The following DACT3 variants were observed in gnomAD, a reference collection of about 807,000 sequenced individuals.
The protein encoded by DACT3 is dishevelled binding antagonist of beta catenin 3, also known as dapper homolog 3.
DACT3 carries 5 observed loss-of-function variants against 19.6 expected under a neutral mutation model. That is an observed-to-expected ratio of 0.26 (90% CI 0.13 to 0.54). The LOEUF (loss-of-function observed/expected upper bound fraction) is 0.54. DACT3 is among the 20% of genes least tolerant of loss of function. The probability of loss-of-function intolerance (pLI) is 0.95; values close to 1 mark genes in which losing one functional copy is unlikely to be tolerated. For synonymous variants in DACT3, 454 were observed against 428.1 expected, an observed-to-expected ratio of 1.06 and a Z score of -0.75; for missense variants, 908 against 927.4, an observed-to-expected ratio of 0.98 and a Z score of 0.27.
intron 1 of DACT3, among the ~76,000 whole-genome samples, chr19:46,659,806 G>C (rs575644138): frequency 2.7e-4 from 41 of 152,258 alleles, no homozygotes; most frequent in African/African-American, 9.1e-4. Context: ...GTGCGGGCTG[G>C]GGGGAGGGGA....
Position 46,649,046 on chromosome 19 carries a change from A to AG in DACT3, c.1325dup (p.Lys443Ter). The AG allele has an allele frequency of 1.6e-6, 2 of 1,281,698 alleles. No individual in the cohort carries two copies. Among genetic ancestry groups the AG allele is most frequent in the Non-Finnish European group, 9.8e-7 (1 of 1,016,900 alleles). 79.4% of individuals were successfully genotyped at this position (1,281,698 alleles called of 1,614,324 possible). A position where few individuals can be genotyped will look rare whatever the true frequency, so the allele number is the denominator to read the frequency against. On this transcript the variant is annotated frameshift_variant, in exon 4 of 4. Transcript: ENST00000391916. LOFTEE classifies it low-confidence loss of function (END_TRUNC). Reference sequence around the variant, plus strand: ...CTTCCCGCTCCGCCGTGGGGTACTTAGGGGGCCCCGAAGGGACCGCGGAGG... The same window carrying AG: ...CTTCCCGCTCCGCCGTGGGGTACTTAGGGGGGCCCCGAAGGGACCGCGGAGG...
At chr19:46,657,707 T>C (rs1489393705) in intron 1 of DACT3, among the ~76,000 whole-genome samples, 1 of 151,924 alleles carries the variant, frequency 6.6e-6, no homozygotes, top group African/African-American at 2.4e-5. Flanking sequence ...ACAGGAAAGC[T>C]ATGAATTTCT....
chr19:46,649,394 C>T lies in DACT3; in HGVS notation c.978G>A (p.Ser326=). The T allele has an allele frequency of 7.8e-7, 1 of 1,286,600 alleles. No individual in the cohort carries two copies. Among genetic ancestry groups the T allele is most frequent in the Non-Finnish European group, 9.9e-7 (1 of 1,007,718 alleles). 79.7% of individuals were successfully genotyped at this position (1,286,600 alleles called of 1,614,324 possible). ...CGGGTGCCGCCTCCGACTCCCACGA[C>T]GACGCCCAGGCGCGGCTCAAGGCGG... ...SPAALSRAWA[S]SWESEAAPEP... The change falls in exon 4 of 4, where the codon TCG becomes TCA. Residue 326 remains serine, a synonymous_variant. Transcript: ENST00000391916.
At position 46,657,806 on chromosome 19, in the gene DACT3, C is replaced by T. The variant is rs184097489; in HGVS notation, c.249+3010G>A. Among the ~76,000 whole-genome samples the T allele has an allele frequency of 3.4e-3, 524 of 152,120 alleles. 2 individuals carry two copies. The highest frequency in any genetic ancestry group is 3.2e-3 in the Non-Finnish European group (221 of 68,002). On this transcript the variant is annotated intron_variant, in intron 1 of 3. Transcript: ENST00000391916. Reference sequence around the variant, plus strand: ...TGGCTCACGCCTGTAATCCCAACAACTTTGGGAGACCGAGGCGGGAGGATC... The same window carrying T: ...TGGCTCACGCCTGTAATCCCAACAATTTTGGGAGACCGAGGCGGGAGGATC...
chr19:46,648,331 T>A lies in DACT3; in HGVS notation c.*151A>T. 4 of 1,359,246 alleles carry A rather than the reference T, an allele frequency of 2.9e-6. No individual in the cohort carries two copies. Among genetic ancestry groups the A allele is most frequent in the Non-Finnish European group, 4.0e-6 (4 of 997,310 alleles). 84.2% of individuals were successfully genotyped at this position (1,359,246 alleles called of 1,614,324 possible). On this transcript the variant is annotated 3_prime_UTR_variant, in exon 4 of 4. Coordinates refer to ENST00000391916, the MANE Select transcript of DACT3 (RefSeq NM_145056.3). The surrounding 1 kb of genome is among the most constrained non-coding windows in gnomAD (Gnocchi z 5.1). ...TCTCGGTGGTGGTGGGGGAGCCTTT[T>A]CAACCAAGACTGTTAGGAGTGGGGA...
chr19:46,649,131 C>A lies in DACT3; in HGVS notation c.1241G>T (p.Gly414Val). Residue 414 changes from glycine (G) to valine (V), a missense_variant, in exon 4 of 4, where the codon GGC becomes GTC. Gly to Val is a moderately radical substitution (Grantham distance 109, BLOSUM62 -3). Around this residue, in one of 2 missense-constraint regions of DACT3, gnomAD observed 656 missense variants for 601.8 expected, o/e 1.09. Transcript: ENST00000391916. ...GRMAEASGRRGSPRARKASRS... is the reference protein window; with the variant it reads ...GRMAEASGRRVSPRARKASRS... The stretch of plus-strand genomic sequence containing the variant: ...CGAGGCCTTGCGGGCCCTGGGCGAG[C>A]CGCGGCGGCCCGAAGCCTCGGCCAT... The A allele has an allele frequency of 1.6e-6, 2 of 1,267,770 alleles. No homozygotes were observed. The highest frequency in any genetic ancestry group is 2.0e-6 in the Non-Finnish European group (2 of 1,008,732). The allele number at this position is 1,267,770 out of a possible 1,614,324, so 78.5% of individuals were successfully genotyped here. A position where few individuals can be genotyped will look rare whatever the true frequency, so the allele number is the denominator to read the frequency against.
chr19:46,649,556 G>C lies in DACT3; in HGVS notation c.816C>G (p.Pro272=). Residue 272 remains proline, a synonymous_variant, in exon 4 of 4, where the codon CCC becomes CCG. Coordinates refer to ENST00000391916, the MANE Select transcript of DACT3 (RefSeq NM_145056.3). ...GCCGCGGGCCGCCGTCCGCGCCCCCGGGACTGGTCCGGGGCTGGCCCGCCC... is the reference window on the plus strand; with the variant it reads ...GCCGCGGGCCGCCGTCCGCGCCCCCCGGACTGGTCCGGGGCTGGCCCGCCC... The part of the protein sequence containing the change: ...RRGAGQPRTS[P]GGADGGPRRQ... 9.5e-7 allele frequency: 1 copy of C among 1,051,908 alleles called. No individual in the cohort carries two copies. The highest frequency in any genetic ancestry group is 1.1e-6 in the Non-Finnish European group (1 of 874,930). 65.2% of individuals were successfully genotyped at this position (1,051,908 alleles called of 1,614,324 possible). A position where few individuals can be genotyped will look rare whatever the true frequency, so the allele number is the denominator to read the frequency against.
At chr19:46,653,948 T>C (rs1000602364) in intron 1 of DACT3, 1 of 981,336 alleles carries the variant, frequency 1.0e-6, no homozygotes, top group African/African-American at 1.7e-5. Context: ...TCCTTCCTGC[T>C]GCAGATTGCC....
Position 46,648,347 on chromosome 19 carries a change from G to C in DACT3, c.*135C>G, listed in dbSNP as rs2052938499. 6.8e-7 allele frequency: 1 copy of C among 1,460,738 alleles called. No individual in the cohort carries two copies. Among genetic ancestry groups the C allele is most frequent in the Non-Finnish European group, 9.3e-7 (1 of 1,069,990 alleles). The allele number at this position is 1,460,738 out of a possible 1,614,324, so 90.5% of individuals were successfully genotyped here. Reference sequence around the variant, plus strand: ...GGAGCCTTTTCAACCAAGACTGTTAGGAGTGGGGAGAGTGAGGGGGGTCTT... The same window carrying C: ...GGAGCCTTTTCAACCAAGACTGTTACGAGTGGGGAGAGTGAGGGGGGTCTT... On this transcript the variant is annotated 3_prime_UTR_variant, in exon 4 of 4. Coordinates refer to ENST00000391916, the MANE Select transcript of DACT3 (RefSeq NM_145056.3). The surrounding 1 kb of genome is among the most constrained non-coding windows in gnomAD (Gnocchi z 5.1).
At chr19:46,653,109 GC>G (rs772937555) in intron 1 of DACT3, 34 bp from the exon 2 acceptor site, 65 of 1,548,726 alleles carry the variant, frequency 4.2e-5, no homozygotes, top group African/African-American at 5.5e-5. Context: ...TGGTCAGAAG[GC>G]CCCCAGTCCT....
chr19:46,650,222 C>T (rs2052970443), intron 3 of DACT3: 1 of 153,762 alleles, frequency 6.5e-6, no homozygotes, highest in Admixed American at 6.6e-5. Context: ...AGCTCCGCCT[C>T]CCGGGTTCAT....
At chr19:46,655,848 G>T (rs1445410807) in intron 1 of DACT3, among the ~76,000 whole-genome samples, 1 of 151,318 alleles carries the variant, frequency 6.6e-6, no homozygotes, top group Non-Finnish European at 1.5e-5. Flanking sequence ...AAGGCGGGAG[G>T]ATCGCTGGAG....
rs1278706453 is a variant in DACT3, at chr19:46,660,342, G to C, written c.249+474C>G. The stretch of plus-strand genomic sequence containing the variant: ...GATCTCCAAGCACACCAGGACTTAG[G>C]GAAGATGGAGCCCTGGTGGCGGGGC... On this transcript the variant is annotated intron_variant, in intron 1 of 3. Coordinates refer to ENST00000391916, the MANE Select transcript of DACT3 (RefSeq NM_145056.3). The surrounding 1 kb of genome is among the most constrained non-coding windows in gnomAD (Gnocchi z 4.9). 1 of 154,842 alleles carries C rather than the reference G, an allele frequency of 6.5e-6. No homozygotes were observed. The highest frequency in any genetic ancestry group is 1.4e-5 in the Non-Finnish European group (1 of 69,434). The allele number at this position is 154,842 out of a possible 1,614,324, so 9.6% of individuals were successfully genotyped here.
Position 46,649,555 on chromosome 19 carries a change from C to A in DACT3, c.817G>T (p.Gly273Trp). Residue 273 changes from glycine (G) to tryptophan (W), a missense_variant, in exon 4 of 4, where the codon GGG (glycine) becomes TGG (tryptophan). By Grantham distance (184) the Gly-to-Trp change is radical. Coordinates refer to ENST00000391916, the MANE Select transcript of DACT3 (RefSeq NM_145056.3). ...CGCCGCGGGCCGCCGTCCGCGCCCC[C>A]GGGACTGGTCCGGGGCTGGCCCGCC... ...RGAGQPRTSP[G>W]GADGGPRRQN... The A allele has an allele frequency of 9.5e-7, 1 of 1,051,638 alleles. No homozygotes were observed. The highest frequency in any genetic ancestry group is 4.0e-5 in the South Asian group (1 of 25,024). 65.1% of individuals were successfully genotyped at this position (1,051,638 alleles called of 1,614,324 possible). A position where few individuals can be genotyped will look rare whatever the true frequency, so the allele number is the denominator to read the frequency against.
rs1491260534 is a variant in DACT3 at position 46,655,029 on chromosome 19, CTA to C, written c.250-1956_250-1955del. The C allele has an allele frequency of 3.0e-6, 3 of 985,214 alleles. No homozygotes were observed. In the East Asian group the frequency reaches 3.4e-4, roughly 112 times the overall value. 61.0% of individuals were successfully genotyped at this position (985,214 alleles called of 1,614,324 possible). A position where few individuals can be genotyped will look rare whatever the true frequency, so the allele number is the denominator to read the frequency against. ...TGAATTGTGCAGCATCAGGAAGTAA[CTA>C]AAAAAAAATCTCTCGGACCTACCAT... On this transcript the variant is annotated intron_variant, in intron 1 of 3. Coordinates refer to ENST00000391916, the MANE Select transcript of DACT3 (RefSeq NM_145056.3).
At chr19:46,652,910 C>G in intron 2 of DACT3, 69 bp downstream of exon 2, 1 of 1,542,400 alleles carries the variant, frequency 6.5e-7, no homozygotes, top group Non-Finnish European at 8.7e-7. Context: ...ACACAGGGGG[C>G]CTCAGAAATA....
In DACT3 at chr19:46,649,207, C is replaced by T; in HGVS notation, c.1165G>A (p.Glu389Lys). Residue 389 changes from glutamate (E) to lysine (K), a missense_variant, in exon 4 of 4, where the codon GAG (glutamate) becomes AAG (lysine). Around this residue, in one of 2 missense-constraint regions of DACT3, gnomAD observed 656 missense variants for 601.8 expected, o/e 1.09. Coordinates refer to ENST00000391916, the MANE Select transcript of DACT3 (RefSeq NM_145056.3). ...PPPLTRGRSV[E>K]QSPPRERPRA... ...GGACGCTCCCGGGGTGGTGACTGCTCCACGCTGCGGCCGCGGGTCAGTGGC... is the reference window on the plus strand; with the variant it reads ...GGACGCTCCCGGGGTGGTGACTGCTTCACGCTGCGGCCGCGGGTCAGTGGC... 1 of 1,201,974 alleles carries T rather than the reference C, an allele frequency of 8.3e-7. No homozygotes were observed. Among genetic ancestry groups the T allele is most frequent in the Non-Finnish European group, 1.0e-6 (1 of 970,836 alleles). 74.5% of individuals were successfully genotyped at this position (1,201,974 alleles called of 1,614,324 possible). A position where few individuals can be genotyped will look rare whatever the true frequency, so the allele number is the denominator to read the frequency against.
rs372615382 is a variant in DACT3, at chr19:46,652,889, C to T, written c.347-77G>A. On this transcript the variant is annotated intron_variant, in intron 2 of 3. Transcript: ENST00000391916. ...CAGAGCTGGGGAAAGGAGGAGATGG[C>T]GTGGGGAGAGACACAGGGGGCCTCA... 1.4e-5 allele frequency: 21 copies of T among 1,539,454 alleles called. No individual in the cohort carries two copies. The East Asian group carries it at 1.5e-4, about 11-fold the overall frequency.
At position 46,660,809 on chromosome 19, in the gene DACT3, C is replaced by A. The variant is rs1364104282; in HGVS notation, c.249+7G>T. ...GTGGAGGGACGGACGGACAGGCAGC[C>A]CCTTACCAGCTGCTCCTCCAGGGCC... On this transcript the variant is annotated splice_region_variant and intron_variant, in intron 1 of 3. Transcript: ENST00000391916. This position sits in a 1 kb window ranked among gnomAD's most constrained non-coding sequence, Gnocchi z 4.9. 1 of 1,495,498 alleles carries A rather than the reference C, an allele frequency of 6.7e-7. No individual in the cohort carries two copies. Among genetic ancestry groups the A allele is most frequent in the African/African-American group, 1.4e-5 (1 of 69,878 alleles). 92.6% of individuals were successfully genotyped at this position (1,495,498 alleles called of 1,614,324 possible). A position where few individuals can be genotyped will look rare whatever the true frequency, so the allele number is the denominator to read the frequency against.
Sources: gnomAD v4.1 joint callset for allele counts (sites outside exome capture counted in the v4.1 genomes callset) on GRCh38, gnomAD v4.1.1 for gene constraint, gnomAD v4.1.1 regional missense constraint, Gnocchi (gnomAD v3.1) non-coding constraint, MANE v1.5 for transcripts, NCBI Gene and HGNC (gene_info 2026-07-23, HGNC 2026-07-21) for gene names.